Variants in SPAST observed in about 807,000 individuals in gnomAD.
The protein encoded by SPAST is spastin, also known as spastic paraplegia 4 (autosomal dominant; spastin).
SPAST carries 30 observed loss-of-function variants against 76.6 expected under a neutral mutation model. That is an observed-to-expected ratio of 0.39 (90% CI 0.29 to 0.53). The LOEUF (loss-of-function observed/expected upper bound fraction) is 0.53, where lower values mean the gene tolerates loss of function less well. Among genes scored for constraint, SPAST ranks in the 20% least tolerant of loss-of-function variants. The pLI is 0.68. For synonymous variants in SPAST, 305 were observed against 281.0 expected (o/e 1.09, Z -0.86); for missense variants, 717 against 770.5 (o/e 0.93, Z 0.82).
Position 32,088,640 on chromosome 2 carries a change from G to C in SPAST, c.503-882G>C, listed in dbSNP as rs532580054. Among the ~76,000 whole-genome samples, 48 of 152,242 alleles carry C rather than the reference G, an allele frequency of 3.2e-4. 1 individual carries two copies. The South Asian group carries it at 9.1e-3, about 29-fold the overall frequency. On this transcript the variant is annotated intron_variant, in intron 2 of 16. Transcript: ENST00000315285. Reference sequence around the variant, plus strand: ...GCCTGGGCAACAAGAGTGAAACTCTGTCTCAGAAAGAAAGAAAAGCAAAAC... The same window carrying C: ...GCCTGGGCAACAAGAGTGAAACTCTCTCTCAGAAAGAAAGAAAAGCAAAAC...
At chr2:32,093,609 T>A (rs989443058) in intron 3 of SPAST, among the ~76,000 whole-genome samples, 2 of 152,228 alleles carry the variant, frequency 1.3e-5, no homozygotes, top group African/African-American at 4.8e-5. Flanking sequence ...TTATGTTTAT[T>A]GTGTACTATC....
At chr2:32,109,369 A>C (rs967097745) in intron 4 of SPAST, among the ~76,000 whole-genome samples, 1 of 151,984 alleles carries the variant, frequency 6.6e-6, no homozygotes, top group African/African-American at 2.4e-5. Flanking sequence ...TCGGCCTCTC[A>C]AAGTGCTGGG....
intron 9 of SPAST, chr2:32,129,095 A>C (rs959312880): frequency 6.5e-6 from 1 of 153,420 alleles, no homozygotes; most frequent in Non-Finnish European, 1.5e-5. Context: ...AGTTCAACCC[A>C]TTAACAAATA....
chr2:32,069,794 C>T (rs908045975), intron 1 of SPAST, among the ~76,000 whole-genome samples: 1 of 151,976 alleles, frequency 6.6e-6, no homozygotes, highest in Admixed American at 6.6e-5. Context: ...CTCCTGTCCT[C>T]GTGATCCGCC....
chr2:32,075,834 G>A (rs553638367), intron 1 of SPAST, among the ~76,000 whole-genome samples: 27 of 141,858 alleles, frequency 1.9e-4, no homozygotes, highest in Admixed American at 1.8e-3. Context: ...GATTACAGGC[G>A]TGAGCCCTGC....
chr2:32,080,444 C>CTATTGGCTGATAATGTAGTTACAT (rs1677173013), intron 1 of SPAST, among the ~76,000 whole-genome samples: 1 of 152,188 alleles, frequency 6.6e-6, no homozygotes, highest in Non-Finnish European at 1.5e-5. Flanking sequence ...TGTAGTTACA[C>CTATTGGCTGATAATGTAGTTACAT]TATTGGCTAA....
intron 12 of SPAST, among the ~76,000 whole-genome samples, chr2:32,140,078 ATG>A (rs1191825490): frequency 1.3e-5 from 2 of 151,960 alleles, no homozygotes; most frequent in African/African-American, 2.4e-5. Context: ...CACATAAATT[ATG>A]TGTTATGTTG....
intron 16 of SPAST, among the ~76,000 whole-genome samples, chr2:32,151,465 C>T (rs1338770019): frequency 6.6e-6 from 1 of 152,150 alleles, no homozygotes; most frequent in Non-Finnish European, 1.5e-5. Flanking sequence ...GTAATCCATT[C>T]TCTCATTTCC....
chr2:32,127,154 G>A (rs777349383), intron 8 of SPAST, 132 bp downstream of exon 8: 3 of 731,354 alleles, frequency 4.1e-6, no homozygotes, highest in Admixed American at 2.2e-5. Context: ...TGTTTTTTTT[G>A]TTTGTTTGTT....
intron 4 of SPAST, among the ~76,000 whole-genome samples, chr2:32,109,406 G>A (rs1678446857): frequency 6.6e-6 from 1 of 151,998 alleles, no homozygotes; most frequent in African/African-American, 2.4e-5. Context: ...ACCACGCCTG[G>A]CCTTAATTTT....
chr2:32,112,702 A>AG (rs1434942349), intron 4 of SPAST, among the ~76,000 whole-genome samples: 1 of 151,772 alleles, frequency 6.6e-6, no homozygotes, highest in Admixed American at 6.6e-5. Context: ...TCCTGATTTT[A>AG]TAATAGTTAA....
chr2:32,143,111 T>C (rs2148759169), intron 13 of SPAST, among the ~76,000 whole-genome samples: 1 of 151,876 alleles, frequency 6.6e-6, no homozygotes, highest in East Asian at 1.9e-4. Flanking sequence ...CAAAAACTTT[T>C]TTAGAAATTA....
At chr2:32,138,975 G>A (rs1302854374) in intron 12 of SPAST, among the ~76,000 whole-genome samples, 6 of 152,096 alleles carry the variant, frequency 3.9e-5, no homozygotes, top group Non-Finnish European at 7.3e-5. Flanking sequence ...GGTTATAGGT[G>A]TGTGGCTTTA....
intron 4 of SPAST, among the ~76,000 whole-genome samples, chr2:32,112,307 T>C (rs1356212884): frequency 6.6e-6 from 1 of 151,984 alleles, no homozygotes; most frequent in Non-Finnish European, 1.5e-5. Context: ...GTAGGTCTTA[T>C]TTATTCTAGA....
chr2:32,100,319 AC>A (rs1678072888), intron 4 of SPAST, among the ~76,000 whole-genome samples: 1 of 129,064 alleles, frequency 7.7e-6, no homozygotes, highest in African/African-American at 2.9e-5. Context: ...TTTATTGGTT[AC>A]TTTTTTTTTT....
At chr2:32,127,355 C>T (rs1679230133) in intron 8 of SPAST, 1 of 335,172 alleles carries the variant, frequency 3.0e-6, no homozygotes, top group Non-Finnish European at 5.8e-6. Context: ...TGACCTCAAG[C>T]AGTCCTCCTA....
Position 32,118,812 on chromosome 2 carries a change from A to T in SPAST, c.1098+2600A>T, listed in dbSNP as rs575168050. Among the ~76,000 whole-genome samples the T allele has an allele frequency of 1.5e-3, 226 of 152,308 alleles. 1 individual carries two copies. Among genetic ancestry groups the T allele is most frequent in the African/African-American group, 5.3e-3 (221 of 41,580 alleles). Reference sequence around the variant, plus strand: ...CATGCTTTTTACGGTAGAAAAATATATCTAAAATTGTGAAGGTAATACCAA... The same window carrying T: ...CATGCTTTTTACGGTAGAAAAATATTTCTAAAATTGTGAAGGTAATACCAA... On this transcript the variant is annotated intron_variant, in intron 7 of 16. Coordinates refer to ENST00000315285, the MANE Select transcript of SPAST (RefSeq NM_014946.4).
intron 1 of SPAST, among the ~76,000 whole-genome samples, chr2:32,074,323 A>G (rs943737643): frequency 6.6e-6 from 1 of 152,142 alleles, no homozygotes; most frequent in African/African-American, 2.4e-5. Flanking sequence ...GACAGTGTTC[A>G]GTGTTCATGT....
At chr2:32,096,938 A>C (rs1212603143) in intron 3 of SPAST, among the ~76,000 whole-genome samples, 1 of 151,988 alleles carries the variant, frequency 6.6e-6, no homozygotes, top group Non-Finnish European at 1.5e-5. Context: ...TACAAAAGCC[A>C]TGCAGTACTT....
Sources: allele counts gnomAD v4.1 joint callset (sites outside exome capture counted in the v4.1 genomes callset), GRCh38; gene constraint gnomAD v4.1.1; transcripts MANE v1.5; gene names NCBI Gene and HGNC (gene_info 2026-07-23, HGNC 2026-07-21).